The following IFT46 variants were observed in gnomAD, a reference collection of about 807,000 sequenced individuals.
IFT46 encodes the protein intraflagellar transport 46.
A neutral mutation model predicts 39.6 loss-of-function variants in IFT46; 19 were observed. That is an observed-to-expected ratio of 0.48 (90% CI 0.33 to 0.70). The LOEUF is 0.70. Ranked by LOEUF, IFT46 falls within the 30% of genes least tolerant of loss-of-function variation. IFT46 has a pLI of 0.01. For synonymous variants in IFT46, 117 were observed against 134.8 expected (o/e 0.87, Z 0.91); for missense variants, 334 against 364.8 (o/e 0.92, Z 0.69).
chr11:118,576,417 CA>C (rs1938506201), upstream of IFT46, among the ~76,000 whole-genome samples: 1 of 32,364 alleles, frequency 3.1e-5, no homozygotes, highest in South Asian at 7.6e-4. Flanking sequence ...ATGTTTTTTC[CA>C]AAAATGTTAA....
At chr11:118,568,651 TTTGTACCCA>T, upstream of IFT46, among the ~76,000 whole-genome samples, 1 of 152,210 alleles carries the variant, frequency 6.6e-6, no homozygotes, top group Non-Finnish European at 1.5e-5. Context: ...CTAAAGAAAG[TTTGTACCCA>T]TTGTCACTTT....
upstream of IFT46, among the ~76,000 whole-genome samples, chr11:118,569,681 T>G (rs530017384): frequency 4.2e-4 from 64 of 152,318 alleles, no homozygotes; most frequent in African/African-American, 1.4e-3. Flanking sequence ...GGGATAGTTT[T>G]CTTCTCTGTA....
intron 6 of IFT46, among the ~76,000 whole-genome samples, 162 bp from the exon 7 acceptor site, chr11:118,554,749 T>A (rs1441249818): frequency 6.6e-6 from 1 of 152,224 alleles, no homozygotes; most frequent in African/African-American, 2.4e-5. Context: ...AGCTTAAATA[T>A]GAACCTGTTG....
At chr11:118,547,786 G>A (rs1396031603) in intron 9 of IFT46, among the ~76,000 whole-genome samples, 23 of 123,996 alleles carry the variant, frequency 1.9e-4, no homozygotes, top group African/African-American at 6.5e-4. Flanking sequence ...TCACTCTTTC[G>A]CCCAGGCTGG....
upstream of IFT46, among the ~76,000 whole-genome samples, chr11:118,576,844 G>A (rs1938526816): frequency 1.3e-5 from 2 of 152,156 alleles, no homozygotes; most frequent in South Asian, 2.1e-4. Flanking sequence ...CTCAAAGAGA[G>A]ACATATGATT....
rs1333025738 is a variant in IFT46, at chr11:118,544,713, C to T, written c.*203G>A. On this transcript the variant is annotated 3_prime_UTR_variant, in exon 12 of 12. Coordinates refer to ENST00000264021, the MANE Select transcript of IFT46 (RefSeq NM_001168618.2). ...CCACAGTGGTGTAGATGCATTAACT[C>T]CCCGGGGACAGCAATCTGAGGCAGG... 1.4e-5 allele frequency: 8 copies of T among 568,696 alleles called. No individual in the cohort carries two copies. Among genetic ancestry groups the T allele is most frequent in the African/African-American group, 3.8e-5 (2 of 52,954 alleles). The allele number at this position is 568,696 out of a possible 1,614,324, so 35.2% of individuals were successfully genotyped here.
At chr11:118,550,226 C>T (rs535483964) in intron 9 of IFT46, among the ~76,000 whole-genome samples, 35 of 152,228 alleles carry the variant, frequency 2.3e-4, no homozygotes, top group South Asian at 8.3e-4. Context: ...TGTGAGCCAC[C>T]GCGCCTGGCC....
At chr11:118,552,090 G>T in intron 8 of IFT46, 124 bp downstream of exon 8, 2 of 1,212,270 alleles carry the variant, frequency 1.6e-6, no homozygotes, top group Non-Finnish European at 2.4e-6. Context: ...TAGTTGCCAG[G>T]ATCCACAGGA....
At chr11:118,560,800 G>A (rs1318089227) in intron 2 of IFT46, 3 of 733,208 alleles carry the variant, frequency 4.1e-6, no homozygotes, top group Admixed American at 1.8e-5. Flanking sequence ...AATGCTTGGT[G>A]ATACAGGATA....
chr11:118,551,375 CA>C (rs1219939060), intron 9 of IFT46, among the ~76,000 whole-genome samples: 1 of 148,122 alleles, frequency 6.8e-6, no homozygotes. Context: ...TCCATCTCAA[CA>C]AAAAAAATTA....
intron 6 of IFT46, 152 bp downstream of exon 6, chr11:118,554,838 G>C: frequency 1.5e-6 from 1 of 679,072 alleles, no homozygotes. Context: ...AGAGCAATGA[G>C]TGTAATTTGG....
chr11:118,576,750 C>T (rs188201608), upstream of IFT46, among the ~76,000 whole-genome samples: 66 of 152,144 alleles, frequency 4.3e-4, no homozygotes, highest in African/African-American at 1.4e-3. Flanking sequence ...CCTGGGTGTT[C>T]GGAGATTTAT....
At chr11:118,556,847 C>T in intron 4 of IFT46, 59 bp downstream of exon 4, 1 of 1,461,190 alleles carries the variant, frequency 6.8e-7, no homozygotes, top group South Asian at 1.6e-5. Context: ...TCCTCCCACT[C>T]CAGTGTTTTG....
At chr11:118,573,877 T>C (rs1938418507), upstream of IFT46, 6 of 499,186 alleles carry the variant, frequency 1.2e-5, no homozygotes, top group Non-Finnish European at 7.1e-6. Context: ...CTCCAGGAGG[T>C]TCTGTATTTG....
chr11:118,568,758 G>A (rs886989529), upstream of IFT46, among the ~76,000 whole-genome samples: 2 of 151,176 alleles, frequency 1.3e-5, no homozygotes, highest in East Asian at 2.0e-4. Context: ...TCTCTGCCTC[G>A]GGGTTCAAGC....
In IFT46 at chr11:118,561,007, C is replaced by T. The variant is rs1938037791; in HGVS notation, c.-35-1143G>A. ...ATTGTACTGGCCTGCTGCTGGCCCG[C>T]AGGCTTCCCAATAGGTTTGGCATGG... On this transcript the variant is annotated intron_variant, in intron 2 of 11. Transcript: ENST00000264021. The T allele has an allele frequency of 6.2e-6, 9 of 1,462,254 alleles. No individual in the cohort carries two copies. In the Admixed American group the frequency reaches 1.3e-4, roughly 22 times the overall value. 90.6% of individuals were successfully genotyped at this position (1,462,254 alleles called of 1,614,324 possible). A position where few individuals can be genotyped will look rare whatever the true frequency, so the allele number is the denominator to read the frequency against.
chr11:118,556,430 T>C (rs1467571909), intron 4 of IFT46, among the ~76,000 whole-genome samples: 1 of 152,044 alleles, frequency 6.6e-6, no homozygotes, highest in Non-Finnish European at 1.5e-5. Flanking sequence ...GAGGCGGAGC[T>C]TGCAGTGAGC....
chr11:118,573,799 C>A, upstream of IFT46: 3 of 527,576 alleles, frequency 5.7e-6, no homozygotes, highest in South Asian at 2.4e-5. Context: ...TAAATTGCAT[C>A]AAACAGGTTT....
Position 118,545,501 on chromosome 11 carries a change from CGAA to C in IFT46, c.734-10_734-8del, listed in dbSNP as rs781965412. On this transcript the variant is annotated splice_polypyrimidine_tract_variant and splice_region_variant and intron_variant, in intron 10 of 11. Coordinates refer to ENST00000264021, the MANE Select transcript of IFT46 (RefSeq NM_001168618.2). ...ACAGGGATGTCTAGAATGGCTGAAA[CGAA>C]GAAGAACTTCCAGGAACAGAAGCAA... The C allele has an allele frequency of 3.6e-5, 58 of 1,607,512 alleles. No individual in the cohort carries two copies. The highest frequency in any genetic ancestry group is 6.7e-5 in the African/African-American group (5 of 74,738).
Sources: gnomAD v4.1 joint callset for allele counts (sites outside exome capture counted in the v4.1 genomes callset) on GRCh38, gnomAD v4.1.1 for gene constraint, MANE v1.5 for transcripts, NCBI Gene and HGNC (gene_info 2026-07-23, HGNC 2026-07-21) for gene names.